The following CNTNAP2 variants were observed in gnomAD, a reference collection of about 807,000 sequenced individuals.
CNTNAP2 encodes contactin associated protein 2, also known as contactin-associated protein-like 2.
CNTNAP2 carries 98 observed loss-of-function variants against 155.2 expected under a neutral mutation model. That is an observed-to-expected ratio of 0.63 (90% CI 0.54 to 0.75). The LOEUF (loss-of-function observed/expected upper bound fraction) is 0.75. Among genes scored for constraint, CNTNAP2 ranks in the 30% least tolerant of loss-of-function variants. The pLI is 0.00. For missense variants in CNTNAP2, 1,727 were observed against 1,688.1 expected, an observed-to-expected ratio of 1.02 and a Z score of -0.40; for synonymous variants, 651 against 631.2, an observed-to-expected ratio of 1.03 and a Z score of -0.47.
At chr7:147,148,010 A>G (rs1432045837) in intron 8 of CNTNAP2, among the ~76,000 whole-genome samples, 1 of 152,176 alleles carries the variant, frequency 6.6e-6, no homozygotes, top group African/African-American at 2.4e-5. Context: ...GAGGGTATAA[A>G]CAGAGTGCCC....
chr7:147,951,603 G>A (rs1385100195), intron 14 of CNTNAP2, among the ~76,000 whole-genome samples: 4 of 152,154 alleles, frequency 2.6e-5, no homozygotes. Flanking sequence ...AATTCTAATA[G>A]AAAGTGTTAA....
chr7:146,827,885 A>G (rs941573713), intron 2 of CNTNAP2, among the ~76,000 whole-genome samples: 1 of 152,102 alleles, frequency 6.6e-6, no homozygotes, highest in African/African-American at 2.4e-5. Flanking sequence ...AAATAGTTGC[A>G]AAGACGAACA....
intron 1 of CNTNAP2, among the ~76,000 whole-genome samples, chr7:146,631,750 A>C (rs1460565730): frequency 6.6e-6 from 1 of 152,160 alleles, no homozygotes; most frequent in Non-Finnish European, 1.5e-5. Flanking sequence ...AATTATTTCC[A>C]CAGTGAACTA....
In CNTNAP2 at chr7:147,925,443, G is replaced by A. The variant is rs117931921; in HGVS notation, c.2255+21722G>A. On this transcript the variant is annotated intron_variant, in intron 14 of 23. Transcript: ENST00000361727. ...CATTTACATTGGGTTTACACTTGCT[G>A]TTGTACATTCTGTGGATTTTTTATT... Among the ~76,000 whole-genome samples the A allele has an allele frequency of 9.8e-4, 149 of 152,110 alleles. 2 individuals are homozygous for A. In the East Asian group the frequency reaches 0.027, roughly 27 times the overall value.
chr7:148,105,952 G>C (rs10269186), intron 15 of CNTNAP2, among the ~76,000 whole-genome samples: 24,793 of 152,136 alleles, frequency 0.16, 5,580 homozygotes, highest in African/African-American at 0.51. Context: ...ATGAGCAGCA[G>C]CAGGAACAGA....
At chr7:148,411,875 A>G (rs1464838262) in intron 23 of CNTNAP2, among the ~76,000 whole-genome samples, 2 of 147,410 alleles carry the variant, frequency 1.4e-5, no homozygotes, top group East Asian at 2.0e-4. Context: ...GTGTGTGTCT[A>G]TTTTCTGGGC....
intron 2 of CNTNAP2, among the ~76,000 whole-genome samples, chr7:146,832,136 C>T (rs1246003974): frequency 1.3e-5 from 2 of 152,116 alleles, no homozygotes; most frequent in Non-Finnish European, 2.9e-5. Flanking sequence ...TTATCCCCCA[C>T]TGCAAATAAA....
chr7:146,911,024 A>T (rs1562997992), intron 3 of CNTNAP2, among the ~76,000 whole-genome samples: 1 of 151,896 alleles, frequency 6.6e-6, no homozygotes, highest in Non-Finnish European at 1.5e-5. Flanking sequence ...TCAAGAGAAG[A>T]CATTTATGCA....
chr7:147,384,108 G>C (rs1378690698), intron 9 of CNTNAP2, among the ~76,000 whole-genome samples: 1 of 152,122 alleles, frequency 6.6e-6, no homozygotes, highest in Non-Finnish European at 1.5e-5. Flanking sequence ...TAGGAAGAAA[G>C]GGTTTGGTTT....
At chr7:146,470,420 A>G (rs1265970086) in intron 1 of CNTNAP2, among the ~76,000 whole-genome samples, 1 of 152,170 alleles carries the variant, frequency 6.6e-6, no homozygotes, top group Non-Finnish European at 1.5e-5. Flanking sequence ...TGCCTAGCAC[A>G]TATGACTCCC....
intron 3 of CNTNAP2, among the ~76,000 whole-genome samples, chr7:146,990,453 T>C (rs1385404166): frequency 6.6e-6 from 1 of 152,160 alleles, no homozygotes; most frequent in African/African-American, 2.4e-5. Flanking sequence ...ACCTTCTTTC[T>C]CAATTTATAC....
chr7:147,901,082 T>G (rs1186581679), intron 13 of CNTNAP2, among the ~76,000 whole-genome samples: 2 of 152,118 alleles, frequency 1.3e-5, no homozygotes, highest in Non-Finnish European at 2.9e-5. Context: ...TCCACAGCAC[T>G]CCCTGCCCAT....
intron 15 of CNTNAP2, among the ~76,000 whole-genome samples, chr7:148,080,783 AG>A (rs558856057): frequency 2.9e-4 from 43 of 148,686 alleles, no homozygotes; most frequent in East Asian, 9.7e-4. Flanking sequence ...ATTATAGAGC[AG>A]GGGGGGAAAT....
intron 1 of CNTNAP2, among the ~76,000 whole-genome samples, chr7:146,133,698 A>C (rs1797752725): frequency 2.6e-5 from 4 of 152,070 alleles, no homozygotes; most frequent in Admixed American, 2.6e-4. Context: ...TGTTTTTCTC[A>C]GGTTTGTCAA....
chr7:146,640,688 A>G (rs1799689674), intron 1 of CNTNAP2, among the ~76,000 whole-genome samples: 1 of 152,220 alleles, frequency 6.6e-6, no homozygotes, highest in Non-Finnish European at 1.5e-5. Context: ...TAAAAGAGTC[A>G]GTATCCATGC....
chr7:147,105,814 A>T (rs544348540), intron 4 of CNTNAP2, among the ~76,000 whole-genome samples: 9 of 152,026 alleles, frequency 5.9e-5, no homozygotes, highest in Non-Finnish European at 1.2e-4. Flanking sequence ...TTTGTAGGGA[A>T]TCTAGGTTAC....
chr7:147,935,296 T>G (rs1319607762), intron 14 of CNTNAP2, among the ~76,000 whole-genome samples: 2 of 152,058 alleles, frequency 1.3e-5, no homozygotes, highest in Non-Finnish European at 2.9e-5. Flanking sequence ...CTGGCTAATT[T>G]TTGCATTTTT....
intron 11 of CNTNAP2, among the ~76,000 whole-genome samples, chr7:147,511,438 C>T (rs1164368026): frequency 6.9e-6 from 1 of 144,814 alleles, no homozygotes; most frequent in Admixed American, 7.3e-5. Flanking sequence ...AATGAAAAAG[C>T]TAATTATCCT....
chr7:146,992,752 A>C (rs373528968), intron 3 of CNTNAP2, among the ~76,000 whole-genome samples: 167 of 152,336 alleles, frequency 1.1e-3, no homozygotes, highest in African/African-American at 3.8e-3. Flanking sequence ...GTCAATAATT[A>C]GAAACAAAAC....
Sources: gnomAD v4.1 joint callset for allele counts (sites outside exome capture counted in the v4.1 genomes callset) on GRCh38, gnomAD v4.1.1 for gene constraint, MANE v1.5 for transcripts, NCBI Gene and HGNC (gene_info 2026-07-23, HGNC 2026-07-21) for gene names.